GRIK4: variants seen among roughly 807,000 people sequenced by gnomAD.
The protein encoded by GRIK4 is glutamate ionotropic receptor kainate type subunit 4.
Under a neutral mutation model 104.9 loss-of-function variants are expected in GRIK4, and 40 were observed. The observed-to-expected ratio is 0.38, with a 90% CI of 0.30 to 0.50. The LOEUF is 0.50. GRIK4 is among the 20% of genes least tolerant of loss of function. GRIK4 has a pLI of 0.93. For synonymous variants in GRIK4, 485 were observed against 524.9 expected, an observed-to-expected ratio of 0.92 and a Z score of 1.04; for missense variants, 1,047 against 1,308.1, an observed-to-expected ratio of 0.80 and a Z score of 3.08.
intron 14 of GRIK4, among the ~76,000 whole-genome samples, chr11:120,943,075 T>A (rs912929683): frequency 6.6e-6 from 1 of 151,066 alleles, no homozygotes; most frequent in African/African-American, 2.4e-5. Context: ...ACTTTCCCTG[T>A]CTCTCCCAAT....
At chr11:120,516,914 G>T (rs950399101) in intron 1 of GRIK4, among the ~76,000 whole-genome samples, 2 of 152,074 alleles carry the variant, frequency 1.3e-5, no homozygotes, top group African/African-American at 2.4e-5. Flanking sequence ...CACCCTGGGC[G>T]GCGGCTGCTG....
intron 3 of GRIK4, among the ~76,000 whole-genome samples, chr11:120,726,246 A>G (rs1438273720): frequency 6.6e-6 from 1 of 152,198 alleles, no homozygotes; most frequent in Non-Finnish European, 1.5e-5. Context: ...CTTGTAAGCC[A>G]TAGTGGAGGT....
intron 11 of GRIK4, among the ~76,000 whole-genome samples, chr11:120,893,023 C>T (rs1290672309): frequency 6.6e-6 from 1 of 152,210 alleles, no homozygotes; most frequent in African/African-American, 2.4e-5. Context: ...GAACTGCAGG[C>T]AGTGGCCCTC....
rs1944066166 is a variant in GRIK4, at chr11:120,953,769, G to A, written c.1700+805G>A. ...CAAGGCTGTTGGGCCAGCCTGAGCT[G>A]CAGGAGAGCCAGCTTAACCCTCCAG... On this transcript the variant is annotated intron_variant, in intron 15 of 20. Transcript: ENST00000527524. The surrounding 1 kb of genome is among the most constrained non-coding windows in gnomAD (Gnocchi z 4.9). 2.0e-5 allele frequency among the ~76,000 whole-genome samples: 3 copies of A among 152,222 alleles called. No homozygotes were observed. Among genetic ancestry groups the A allele is most frequent in the Admixed American group, 1.3e-4 (2 of 15,284 alleles).
chr11:120,988,669 T>G lies in GRIK4; in HGVS notation c.*2409T>G, dbSNP rs943994767. ...TCTTCCTTGGTTTGTTTCCACTTTT[T>G]ATCTGTTGGTTGTTGGCTTTCTTTT... On this transcript the variant is annotated 3_prime_UTR_variant, in exon 21 of 21. Transcript: ENST00000527524. 6.6e-6 allele frequency: 1 copy of G among 152,258 alleles called. No homozygotes were observed. The highest frequency in any genetic ancestry group is 1.5e-5 in the Non-Finnish European group (1 of 68,072). The allele number at this position is 152,258 out of a possible 1,614,324, so 9.4% of individuals were successfully genotyped here.
intron 7 of GRIK4, among the ~76,000 whole-genome samples, chr11:120,832,874 G>T (rs1953466028): frequency 6.6e-6 from 1 of 152,228 alleles, no homozygotes; most frequent in Admixed American, 6.5e-5. Context: ...TGGCTGGGCT[G>T]GGCATGAACT....
intron 9 of GRIK4, chr11:120,868,509 A>C (rs1462530476): frequency 1.6e-5 from 2 of 123,508 alleles, no homozygotes; most frequent in Non-Finnish European, 3.2e-5. Flanking sequence ...ATGTATTGAG[A>C]GAGCAGAGAA....
chr11:120,534,601 T>C lies in GRIK4; in HGVS notation c.-159+22714T>C, dbSNP rs553016885. 5.9e-5 allele frequency among the ~76,000 whole-genome samples: 9 copies of C among 152,114 alleles called. No homozygotes were observed. The East Asian group carries it at 1.5e-3, about 26-fold the overall frequency. ...AGGTTGCTCAGAAACCCAGGTAGAA[T>C]GGGGGATAGTCCATGGTGGAAAACG... is the stretch of plus-strand genomic sequence containing the variant. On this transcript the variant is annotated intron_variant, in intron 1 of 20. Transcript: ENST00000527524.
Position 120,805,862 on chromosome 11 carries a change from G to T in GRIK4, c.247+3005G>T, listed in dbSNP as rs182588578. Among the ~76,000 whole-genome samples, 41 of 152,332 alleles carry T rather than the reference G, an allele frequency of 2.7e-4. No individual in the cohort carries two copies. In the East Asian group the frequency reaches 7.7e-3, roughly 29 times the overall value. On this transcript the variant is annotated intron_variant, in intron 4 of 20. Transcript: ENST00000527524. ...GGGAGGAGGGGGACAGGATCTCTGGGTGGAGGAGAGCCCACAGCTCTGTGA... is the reference window on the plus strand; with the variant it reads ...GGGAGGAGGGGGACAGGATCTCTGGTTGGAGGAGAGCCCACAGCTCTGTGA...
Position 120,940,527 on chromosome 11 carries a change from G to A in GRIK4, c.1590+67G>A, listed in dbSNP as rs1211635180. The A allele has an allele frequency of 4.8e-5, 41 of 854,764 alleles. No individual in the cohort carries two copies. The highest frequency in any genetic ancestry group is 6.8e-5 in the Non-Finnish European group (35 of 517,916). 52.9% of individuals were successfully genotyped at this position (854,764 alleles called of 1,614,324 possible). ...TTTGCATGCAAACACTGAGTTATAC[G>A]GGAATAATGAATGACTCATGGAAAT... On this transcript the variant is annotated intron_variant, in intron 14 of 20. Transcript: ENST00000527524. This position sits in a 1 kb window ranked among gnomAD's most constrained non-coding sequence, Gnocchi z 4.3.
intron 1 of GRIK4, among the ~76,000 whole-genome samples, chr11:120,629,726 T>C (rs1330162383): frequency 6.6e-6 from 1 of 152,226 alleles, no homozygotes; most frequent in African/African-American, 2.4e-5. Flanking sequence ...CGCTGTTGTT[T>C]GTATTGACAG....
intron 14 of GRIK4, among the ~76,000 whole-genome samples, chr11:120,942,020 A>G (rs1459447579): frequency 6.6e-6 from 1 of 152,256 alleles, no homozygotes; most frequent in Non-Finnish European, 1.5e-5. Flanking sequence ...GTGAAAGAAC[A>G]GGGTTCAAAC....
intron 19 of GRIK4, among the ~76,000 whole-genome samples, chr11:120,977,522 C>T (rs931555430): frequency 1.3e-4 from 20 of 152,230 alleles, no homozygotes; most frequent in Non-Finnish European, 2.6e-4. Context: ...CCACTCCCCG[C>T]TCCATCTGTT....
At chr11:120,834,513 C>T (rs1262751933) in intron 7 of GRIK4, among the ~76,000 whole-genome samples, 1 of 152,200 alleles carries the variant, frequency 6.6e-6, no homozygotes, top group African/African-American at 2.4e-5. Context: ...GGCAGGCGTT[C>T]CATCAGGCCT....
intron 3 of GRIK4, among the ~76,000 whole-genome samples, chr11:120,726,623 T>C (rs1463323525): frequency 6.6e-6 from 1 of 152,184 alleles, no homozygotes; most frequent in East Asian, 1.9e-4. Context: ...GTGCCATTTA[T>C]TGAGATGGGA....
intron 1 of GRIK4, chr11:120,620,082 A>G: frequency 1.4e-6 from 1 of 716,042 alleles, no homozygotes; most frequent in Non-Finnish European, 2.6e-6. Flanking sequence ...GTACCTCTCT[A>G]AAACTGGCCT....
chr11:120,792,235 CGTGT>C (rs557044477), intron 3 of GRIK4, among the ~76,000 whole-genome samples: 4 of 149,650 alleles, frequency 2.7e-5, no homozygotes, highest in South Asian at 4.2e-4. Flanking sequence ...GCAGCAGCAC[CGTGT>C]GTGTGTGTGT....
intron 6 of GRIK4, among the ~76,000 whole-genome samples, chr11:120,826,387 C>T (rs545707209): frequency 2.0e-5 from 3 of 152,176 alleles, no homozygotes; most frequent in Admixed American, 2.0e-4. Context: ...GACCTCTGAC[C>T]GTATGATCTC....
At chr11:120,958,909 A>C (rs1944226767) in intron 16 of GRIK4, among the ~76,000 whole-genome samples, 1 of 152,108 alleles carries the variant, frequency 6.6e-6, no homozygotes, top group Non-Finnish European at 1.5e-5. Context: ...TGGTCATGAG[A>C]GCACCTTCCA....
Sources: allele counts gnomAD v4.1 joint callset (sites outside exome capture counted in the v4.1 genomes callset), GRCh38; gene constraint gnomAD v4.1.1; non-coding constraint Gnocchi (gnomAD v3.1); transcripts MANE v1.5; gene names NCBI Gene and HGNC (gene_info 2026-07-23, HGNC 2026-07-21).